The following METTL24 variants were observed in gnomAD, a reference collection of about 807,000 sequenced individuals.
METTL24 encodes methyltransferase like 24.
In METTL24, 29 loss-of-function variants were observed where a neutral mutation model predicts 32.7. The observed-to-expected ratio is 0.89, with a 90% CI of 0.66 to 1.21. The LOEUF (loss-of-function observed/expected upper bound fraction) is 1.21. Ranked by LOEUF, METTL24 falls within the 50% of genes most tolerant of loss-of-function variation. The probability of loss-of-function intolerance (pLI) is 0.00; values close to 1 mark genes in which losing one functional copy is unlikely to be tolerated. For missense variants in METTL24, 439 were observed against 468.1 expected, an observed-to-expected ratio of 0.94 and a Z score of 0.57; for synonymous variants, 163 against 179.5, an observed-to-expected ratio of 0.91 and a Z score of 0.73.
At chr6:110,301,879 T>C (rs1251911081) in intron 3 of METTL24, among the ~76,000 whole-genome samples, 1 of 152,168 alleles carries the variant, frequency 6.6e-6, no homozygotes, top group African/African-American at 2.4e-5. Context: ...AACTCACCTA[T>C]CCAAAAGGAA....
chr6:110,302,460 CATATGTGTATAT>C, intron 3 of METTL24, among the ~76,000 whole-genome samples: 1 of 92,900 alleles, frequency 1.1e-5, no homozygotes, highest in African/African-American at 5.6e-5. Context: ...CATATACACA[CATATGTGTATAT>C]ATACACATAT....
rs1772736939 is a variant in METTL24, at chr6:110,358,118, C to G, written c.155G>C (p.Arg52Pro). The G allele has an allele frequency of 9.5e-7, 1 of 1,054,586 alleles. No individual in the cohort carries two copies. Among genetic ancestry groups the G allele is most frequent in the Non-Finnish European group, 1.1e-6 (1 of 875,832 alleles). The allele number at this position is 1,054,586 out of a possible 1,614,324, so 65.3% of individuals were successfully genotyped here. ...TRSAPPGPAWRPPGPHLPPAP... is the reference protein window; with the variant it reads ...TRSAPPGPAWPPPGPHLPPAP... ...GGGCGGCAGGTGCGGCCCAGGTGGC[C>G]GCCAGGCCGGGCCCGGCGGGGCGCT... The change falls in exon 1 of 5, where the codon CGG (arginine) becomes CCG (proline). Residue 52 changes from arginine to proline, a missense_variant. Arg to Pro is a moderately radical substitution (Grantham distance 103). Coordinates refer to ENST00000338882, the MANE Select transcript of METTL24 (RefSeq NM_001123364.3).
chr6:110,286,622 A>T (rs6910958), intron 4 of METTL24, among the ~76,000 whole-genome samples: 14,640 of 152,240 alleles, frequency 0.096, 1,377 homozygotes, highest in African/African-American at 0.25. Context: ...TGCCCAGGGA[A>T]AATGGAAGGT....
rs1186871820 is a variant in METTL24, at chr6:110,288,719, T to C, written c.786+10203A>G. On this transcript the variant is annotated intron_variant, in intron 4 of 4. Transcript: ENST00000338882. ...AAACCAAGATGAACATCTCCATGAA[T>C]GAACACAGGGCGGTGAGCAGGATGG... 2.0e-5 allele frequency among the ~76,000 whole-genome samples: 3 copies of C among 151,988 alleles called. No individual in the cohort carries two copies. The East Asian group carries it at 5.8e-4, about 29-fold the overall frequency.
At chr6:110,287,540 A>G (rs1021524964) in intron 4 of METTL24, among the ~76,000 whole-genome samples, 3 of 152,216 alleles carry the variant, frequency 2.0e-5, no homozygotes, top group African/African-American at 7.2e-5. Flanking sequence ...CTGGGACCTG[A>G]AAGAATCACC....
chr6:110,343,902 C>G (rs1196764612), intron 1 of METTL24, among the ~76,000 whole-genome samples: 1 of 152,080 alleles, frequency 6.6e-6, no homozygotes, highest in African/African-American at 2.4e-5. Flanking sequence ...AGGTGAAACA[C>G]TGAGGTAGCA....
chr6:110,258,436 T>A lies in METTL24; in HGVS notation c.787-12176A>T, dbSNP rs182986970. On this transcript the variant is annotated intron_variant, in intron 4 of 4. Transcript: ENST00000338882. ...TATGCCTTATACTGGACCTTATGCT[T>A]GATAATTATTTATTTTTGAATACCT... Among the ~76,000 whole-genome samples, 3 of 152,270 alleles carry A rather than the reference T, an allele frequency of 2.0e-5. No individual in the cohort carries two copies. In the East Asian group the frequency reaches 5.8e-4, roughly 29 times the overall value.
chr6:110,352,114 A>G (rs1221409562), intron 1 of METTL24, among the ~76,000 whole-genome samples: 1 of 152,196 alleles, frequency 6.6e-6, no homozygotes, highest in Non-Finnish European at 1.5e-5. Context: ...TACCCTCCCC[A>G]GTATCCAGCT....
At position 110,297,876 on chromosome 6, in the gene METTL24, T is replaced by A. The variant is rs543321981; in HGVS notation, c.786+1046A>T. Among the ~76,000 whole-genome samples the A allele has an allele frequency of 2.0e-5, 3 of 152,254 alleles. No individual in the cohort carries two copies. In the East Asian group the frequency reaches 5.8e-4, roughly 29 times the overall value. On this transcript the variant is annotated intron_variant, in intron 4 of 4. Coordinates refer to ENST00000338882, the MANE Select transcript of METTL24 (RefSeq NM_001123364.3). ...ATTGCGTGTTAAAAGAACAGCAAAT[T>A]CTTTGAAGTTGTTCTTGAAGAAGCA...
chr6:110,318,234 CTTT>C (rs2114750056), intron 2 of METTL24, among the ~76,000 whole-genome samples: 1 of 152,336 alleles, frequency 6.6e-6, no homozygotes, highest in South Asian at 2.1e-4. Context: ...ACTTTGTCTA[CTTT>C]AAGCATTTCT....
At chr6:110,268,805 A>C (rs1770904679) in intron 4 of METTL24, among the ~76,000 whole-genome samples, 1 of 152,130 alleles carries the variant, frequency 6.6e-6, no homozygotes, top group South Asian at 2.1e-4. Flanking sequence ...ACATAATAGG[A>C]GAGCCATCAT....
At chr6:110,319,563 G>C (rs1455642247) in intron 2 of METTL24, among the ~76,000 whole-genome samples, 1 of 151,952 alleles carries the variant, frequency 6.6e-6, no homozygotes, top group Non-Finnish European at 1.5e-5. Context: ...ATGTTTCCTG[G>C]AGGCATATGG....
chr6:110,287,171 C>T (rs899885518), intron 4 of METTL24, among the ~76,000 whole-genome samples: 2 of 152,172 alleles, frequency 1.3e-5, no homozygotes, highest in Non-Finnish European at 2.9e-5. Context: ...AGAGCCAAGA[C>T]ATTTTGCTAC....
chr6:110,330,068 G>A (rs765671512), intron 1 of METTL24, among the ~76,000 whole-genome samples: 1 of 152,222 alleles, frequency 6.6e-6, no homozygotes, highest in Non-Finnish European at 1.5e-5. Flanking sequence ...CACTGGCGCA[G>A]CCAGGAAGCA....
chr6:110,305,282 C>T (rs1017663017), intron 3 of METTL24, among the ~76,000 whole-genome samples: 1 of 152,024 alleles, frequency 6.6e-6, no homozygotes, highest in African/African-American at 2.4e-5. Context: ...GCCTTCATGA[C>T]TAAAACACCA....
intron 3 of METTL24, among the ~76,000 whole-genome samples, chr6:110,300,043 A>T (rs1433956205): frequency 6.6e-6 from 1 of 152,210 alleles, no homozygotes; most frequent in East Asian, 1.9e-4. Flanking sequence ...GAAATACTTC[A>T]TTCTCATAGA....
intron 1 of METTL24, chr6:110,332,526 A>T (rs1772126806): frequency 1.0e-6 from 1 of 977,642 alleles, no homozygotes; most frequent in South Asian, 4.7e-5. Context: ...GTAAAGTTTC[A>T]GATGTCAAAT....
At chr6:110,312,269 A>T (rs1488314413) in intron 3 of METTL24, among the ~76,000 whole-genome samples, 1 of 152,258 alleles carries the variant, frequency 6.6e-6, no homozygotes, top group African/African-American at 2.4e-5. Context: ...AAACTAGTAT[A>T]GCCATTATGG....
intron 4 of METTL24, among the ~76,000 whole-genome samples, chr6:110,291,464 T>C (rs560488282): frequency 4.6e-5 from 7 of 152,230 alleles, no homozygotes; most frequent in Non-Finnish European, 7.3e-5. Flanking sequence ...ATTTTTCCCA[T>C]TGAATTATGT....
Sources: allele counts gnomAD v4.1 joint callset (sites outside exome capture counted in the v4.1 genomes callset), GRCh38; gene constraint gnomAD v4.1.1; transcripts MANE v1.5; gene names NCBI Gene and HGNC (gene_info 2026-07-23, HGNC 2026-07-21).